ME1: variants seen among roughly 807,000 people sequenced by gnomAD.
The protein encoded by ME1 is malic enzyme 1, also known as NADP-dependent malic enzyme.
Under a neutral mutation model 66.4 loss-of-function variants are expected in ME1, and 74 were observed. That is an observed-to-expected ratio of 1.11 (90% CI 0.92 to 1.35). The LOEUF is 1.35. Among genes scored for constraint, ME1 ranks in the 40% most tolerant of loss-of-function variants. The probability of loss-of-function intolerance (pLI) is 0.00; values close to 1 mark genes in which losing one functional copy is unlikely to be tolerated. For synonymous variants in ME1, 251 were observed against 235.6 expected (o/e 1.07, Z -0.60); for missense variants, 750 against 694.1 (o/e 1.08, Z -0.90).
intron 6 of ME1, among the ~76,000 whole-genome samples, chr6:83,265,599 C>A (rs1242342635): frequency 2.0e-5 from 3 of 152,264 alleles, no homozygotes; most frequent in Admixed American, 2.0e-4. Flanking sequence ...CCGGGCCTGG[C>A]CTTAAACACA....
At chr6:83,364,127 C>T (rs1769055023) in intron 3 of ME1, among the ~76,000 whole-genome samples, 1 of 152,102 alleles carries the variant, frequency 6.6e-6, no homozygotes, top group South Asian at 2.1e-4. Flanking sequence ...CTGGGAAAGG[C>T]ATACCCACCC....
intron 6 of ME1, among the ~76,000 whole-genome samples, chr6:83,294,449 AGAG>A (rs1319772386): frequency 6.6e-6 from 1 of 152,094 alleles, no homozygotes; most frequent in Non-Finnish European, 1.5e-5. Context: ...CACCATACAG[AGAG>A]GAGAATGGTC....
intron 6 of ME1, among the ~76,000 whole-genome samples, chr6:83,282,701 C>T (rs1767320454): frequency 6.6e-6 from 1 of 152,096 alleles, no homozygotes; most frequent in Admixed American, 6.5e-5. Flanking sequence ...AACAGTGTGA[C>T]GATTCCTCAA....
At chr6:83,328,934 G>T (rs1768353734) in intron 5 of ME1, among the ~76,000 whole-genome samples, 1 of 148,554 alleles carries the variant, frequency 6.7e-6, no homozygotes, top group African/African-American at 2.5e-5. Context: ...GATAAGGAGG[G>T]TATATATTGG....
intron 7 of ME1, among the ~76,000 whole-genome samples, chr6:83,242,620 CCT>C (rs1790530573): frequency 6.6e-6 from 1 of 151,984 alleles, no homozygotes; most frequent in Non-Finnish European, 1.5e-5. Context: ...GGGATGACTC[CCT>C]GTTAGAAATG....
intron 6 of ME1, among the ~76,000 whole-genome samples, chr6:83,283,227 CAAAAAAAA>C (rs71545854): frequency 6.9e-5 from 2 of 28,900 alleles, no homozygotes; most frequent in East Asian, 2.1e-3. Context: ...GACTCCGTCT[CAAAAAAAA>C]AAAAAAAAAA....
In ME1 at chr6:83,228,834, G is replaced by T. The variant is rs753455838; in HGVS notation, c.1124C>A (p.Ala375Asp). Residue 375 changes from alanine (A) to aspartate (D), a missense_variant, in exon 10 of 14, where the codon GCC becomes GAC. By Grantham distance (126) the Ala-to-Asp change is moderately radical. Transcript: ENST00000369705. The part of the protein sequence containing the change: ...EAIVQEIKPT[A>D]LIGVAAIGGA... Reference sequence around the variant, plus strand: ...GAGGAGAAAATGCTTACCTATGAGGGCAGTTGGTTTTATTTCTTGAACAAT... The same window carrying T: ...GAGGAGAAAATGCTTACCTATGAGGTCAGTTGGTTTTATTTCTTGAACAAT... 1.2e-6 allele frequency: 2 copies of T among 1,604,862 alleles called. No individual in the cohort carries two copies. Among genetic ancestry groups the T allele is most frequent in the African/African-American group, 1.3e-5 (1 of 74,370 alleles).
At chr6:83,291,786 A>G (rs1299027246) in intron 6 of ME1, among the ~76,000 whole-genome samples, 1 of 152,028 alleles carries the variant, frequency 6.6e-6, no homozygotes, top group Non-Finnish European at 1.5e-5. Flanking sequence ...CTTTTCACGT[A>G]GTCCCATATT....
At chr6:83,354,993 A>G (rs573772044) in intron 3 of ME1, among the ~76,000 whole-genome samples, 1 of 152,302 alleles carries the variant, frequency 6.6e-6, no homozygotes, top group South Asian at 2.1e-4. Context: ...CTGACTCAAC[A>G]AGAATATTAA....
Position 83,233,423 on chromosome 6 carries a change from G to A in ME1, c.1026+4294C>T, listed in dbSNP as rs372511999. Reference sequence around the variant, plus strand: ...TGACTTCAATTAACCTTGGTGATATGGATGAATTATTTACAATATTGGTAT... The same window carrying A: ...TGACTTCAATTAACCTTGGTGATATAGATGAATTATTTACAATATTGGTAT... On this transcript the variant is annotated intron_variant, in intron 9 of 13. Transcript: ENST00000369705. Among the ~76,000 whole-genome samples, 13 of 152,004 alleles carry A rather than the reference G, an allele frequency of 8.6e-5. No homozygotes were observed. The East Asian group carries it at 2.1e-3, about 25-fold the overall frequency.
At chr6:83,240,115 G>C (rs1018686208) in intron 7 of ME1, among the ~76,000 whole-genome samples, 8 of 151,878 alleles carry the variant, frequency 5.3e-5, no homozygotes, top group Admixed American at 2.0e-4. Flanking sequence ...CACAAAGAAG[G>C]CTTCACACAA....
At chr6:83,250,382 T>C (rs1313766218) in intron 7 of ME1, among the ~76,000 whole-genome samples, 1 of 152,108 alleles carries the variant, frequency 6.6e-6, no homozygotes, top group Non-Finnish European at 1.5e-5. Flanking sequence ...CTGCCACAGG[T>C]AAGAAATTAA....
intron 6 of ME1, among the ~76,000 whole-genome samples, chr6:83,255,249 T>C (rs1318696932): frequency 6.6e-6 from 1 of 151,986 alleles, no homozygotes; most frequent in Non-Finnish European, 1.5e-5. Context: ...GGAGATTCTA[T>C]GTTCACTTGT....
chr6:83,215,989 C>T (rs1789985141), intron 13 of ME1, among the ~76,000 whole-genome samples: 1 of 152,190 alleles, frequency 6.6e-6, no homozygotes, highest in Non-Finnish European at 1.5e-5. Context: ...CCTTCAGTAG[C>T]TCATCTGCCA....
At chr6:83,264,396 T>C (rs563802025) in intron 6 of ME1, among the ~76,000 whole-genome samples, 5 of 152,266 alleles carry the variant, frequency 3.3e-5, no homozygotes, top group African/African-American at 7.2e-5. Flanking sequence ...AGCCCATACA[T>C]AGAGAGGCAA....
intron 3 of ME1, among the ~76,000 whole-genome samples, chr6:83,361,089 G>A (rs970977537): frequency 6.6e-6 from 1 of 152,242 alleles, no homozygotes; most frequent in Non-Finnish European, 1.5e-5. Context: ...TGCAAGATAT[G>A]ACACTGGTCC....
intron 6 of ME1, among the ~76,000 whole-genome samples, chr6:83,254,683 AGAAT>A (rs1790775022): frequency 6.6e-6 from 1 of 152,160 alleles, no homozygotes; most frequent in Non-Finnish European, 1.5e-5. Flanking sequence ...TCAACTTGTG[AGAAT>A]GATTCTTGCT....
chr6:83,271,111 C>T (rs6928092), intron 6 of ME1, among the ~76,000 whole-genome samples: 3 of 151,796 alleles, frequency 2.0e-5, no homozygotes, highest in African/African-American at 7.3e-5. Flanking sequence ...ATGAAAAGGT[C>T]TCAAGACGAA....
chr6:83,213,843 T>G (rs1400305844), intron 13 of ME1, among the ~76,000 whole-genome samples: 3 of 152,048 alleles, frequency 2.0e-5, no homozygotes, highest in Non-Finnish European at 2.9e-5. Context: ...CAGGAAACAA[T>G]ATGTATATTT....
Sources: gnomAD v4.1 joint callset for allele counts (sites outside exome capture counted in the v4.1 genomes callset) on GRCh38, gnomAD v4.1.1 for gene constraint, MANE v1.5 for transcripts, NCBI Gene and HGNC (gene_info 2026-07-23, HGNC 2026-07-21) for gene names.